ANTXRL: variants seen among roughly 807,000 people sequenced by gnomAD.
ANTXRL encodes anthrax toxin receptor-like.
Under a neutral mutation model 75.4 loss-of-function variants are expected in ANTXRL, and 63 were observed. The ratio of observed to expected loss-of-function variants is 0.84; its 90% CI spans 0.68 to 1.03. ANTXRL has a LOEUF of 1.03. ANTXRL is among the 50% of genes least tolerant of loss of function. The probability of loss-of-function intolerance (pLI) is 0.00; values close to 1 mark genes in which losing one functional copy is unlikely to be tolerated. For missense variants in ANTXRL, 797 were observed against 789.4 expected, an observed-to-expected ratio of 1.01 and a Z score of -0.12; for synonymous variants, 335 against 291.3, an observed-to-expected ratio of 1.15 and a Z score of -1.53.
At position 46,314,764 on chromosome 10, in the gene ANTXRL, TCC is replaced by T. The variant is rs1554964359; in HGVS notation, c.1410+1450_1410+1451del. 3.3e-5 allele frequency among the ~76,000 whole-genome samples: 5 copies of T among 151,872 alleles called. No individual in the cohort carries two copies. In the East Asian group the frequency reaches 1.0e-3, roughly 31 times the overall value. On this transcript the variant is annotated intron_variant, in intron 16 of 16. Transcript: ENST00000620264. ...GCGATTCTTGGAAAAGGAGAGACAATCCCTGTTTTACTAATGGCAAAATAGAG... is the reference window on the plus strand; with the variant it reads ...GCGATTCTTGGAAAAGGAGAGACAATCTGTTTTACTAATGGCAAAATAGAG...
intron 1 of ANTXRL, 139 bp from the exon 2 acceptor site, chr10:46,291,919 T>TG (rs1554956576): frequency 4.1e-6 from 3 of 736,522 alleles, no homozygotes; most frequent in East Asian, 5.5e-5. Context: ...CAGTGGCCAC[T>TG]GGGGGTGTAC....
chr10:46,307,738 G>A (rs529826236), intron 12 of ANTXRL, among the ~76,000 whole-genome samples: 27 of 152,204 alleles, frequency 1.8e-4, no homozygotes, highest in African/African-American at 5.3e-4. Flanking sequence ...ACACACTGCC[G>A]TCAGGGTATG....
intron 12 of ANTXRL, chr10:46,308,405 C>T (rs1478845944): frequency 1.5e-5 from 4 of 274,484 alleles, no homozygotes; most frequent in African/African-American, 2.6e-5. Context: ...TGCCCCTTCC[C>T]TCCCCTCCCC....
Position 46,306,688 on chromosome 10 carries a change from A to G in ANTXRL, c.896-115A>G, listed in dbSNP as rs116500043. 443 of 848,798 alleles carry G rather than the reference A, an allele frequency of 5.2e-4. 1 individual carries two copies. The African/African-American group carries it at 6.3e-3, about 12-fold the overall frequency. The allele number at this position is 848,798 out of a possible 1,614,324, so 52.6% of individuals were successfully genotyped here. ...AGGGGTCTGTGCAATAGGAAGGCAG[A>G]GCCCACATGCCGGTCCTGGGCCACA... On this transcript the variant is annotated intron_variant, in intron 10 of 16. Transcript: ENST00000620264.
chr10:46,308,548 C>A, intron 12 of ANTXRL: 1 of 431,386 alleles, frequency 2.3e-6, no homozygotes, highest in South Asian at 1.7e-5. Flanking sequence ...TTGCGAAGAA[C>A]ACCCAGAGAA....
At chr10:46,308,912 G>A (rs1282479516) in intron 12 of ANTXRL, among the ~76,000 whole-genome samples, 1 of 152,158 alleles carries the variant, frequency 6.6e-6, no homozygotes. Flanking sequence ...TTCTTGGCAG[G>A]GCTCTGGGGC....
At chr10:46,289,427 C>T (rs868936118) in intron 1 of ANTXRL, among the ~76,000 whole-genome samples, 2 of 152,150 alleles carry the variant, frequency 1.3e-5, no homozygotes, top group South Asian at 2.1e-4. Context: ...TTCATCATTG[C>T]GTATTGAAAC....
chr10:46,302,678 C>A, intron 9 of ANTXRL, 44 bp from the exon 10 acceptor site: 1 of 1,388,740 alleles, frequency 7.2e-7, no homozygotes, highest in Non-Finnish European at 9.9e-7. Flanking sequence ...GGGAGGCAGC[C>A]CCCTACTCTT....
chr10:46,329,457 G>C (rs1839381521), intron 16 of ANTXRL, 142 bp from the exon 17 acceptor site: 1 of 1,092,724 alleles, frequency 9.2e-7, no homozygotes, highest in African/African-American at 1.6e-5. Flanking sequence ...AGCACCAAGG[G>C]GAGAGAGGAG....
intron 16 of ANTXRL, among the ~76,000 whole-genome samples, chr10:46,326,447 G>C (rs1384657877): frequency 2.6e-5 from 4 of 152,146 alleles, no homozygotes; most frequent in African/African-American, 9.7e-5. Context: ...TCTGGGAGTG[G>C]CATTATCCTT....
chr10:46,314,515 G>T (rs1183990047), intron 16 of ANTXRL, among the ~76,000 whole-genome samples: 1 of 152,032 alleles, frequency 6.6e-6, no homozygotes, highest in Non-Finnish European at 1.5e-5. Flanking sequence ...CAAGAGGTGG[G>T]AAGGTTGGCG....
At chr10:46,327,553 A>AGGGCAG (rs1554966752) in intron 16 of ANTXRL, among the ~76,000 whole-genome samples, 1 of 152,058 alleles carries the variant, frequency 6.6e-6, no homozygotes, top group African/African-American at 2.4e-5. Context: ...GGGGACTAGC[A>AGGGCAG]GGGCAGGGGC....
chr10:46,309,554 C>T (rs1377394478), intron 13 of ANTXRL, among the ~76,000 whole-genome samples: 2 of 152,208 alleles, frequency 1.3e-5, no homozygotes, highest in African/African-American at 4.8e-5. Flanking sequence ...GGACAAGGGC[C>T]AGGAGGTGGC....
chr10:46,297,378 C>A (rs1837442811), intron 6 of ANTXRL, 28 bp from the exon 7 acceptor site: 1 of 1,535,994 alleles, frequency 6.5e-7, no homozygotes. Flanking sequence ...ATTTTGATGA[C>A]CAATATGCAA....
chr10:46,330,078 C>T lies in ANTXRL; in HGVS notation c.1890C>T (p.Asn630=), dbSNP rs782335429. Residue 630 remains asparagine (N), a synonymous_variant, in exon 17 of 17, where the codon AAC becomes AAT. Transcript: ENST00000620264. The part of the protein sequence containing the change: ...PPLSLPPSEP[N]F ...TGTCACTCCCCCCCTCAGAGCCCAA[C>T]TTCTAAGGCACCAAACACCCAAGAT... 2 of 1,496,784 alleles carry T rather than the reference C, an allele frequency of 1.3e-6. No individual in the cohort carries two copies. The highest frequency in any genetic ancestry group is 1.4e-5 in the African/African-American group (1 of 72,112). The allele number at this position is 1,496,784 out of a possible 1,614,324, so 92.7% of individuals were successfully genotyped here.
intron 1 of ANTXRL, among the ~76,000 whole-genome samples, chr10:46,289,517 T>A (rs1293216497): frequency 1.3e-5 from 2 of 152,100 alleles, no homozygotes; most frequent in Non-Finnish European, 2.9e-5. Flanking sequence ...CGCTTGAGTC[T>A]AGGAGTTCAA....
intron 3 of ANTXRL, among the ~76,000 whole-genome samples, chr10:46,294,836 A>AGGGCAG (rs34188277): frequency 5.0e-4 from 76 of 151,750 alleles, no homozygotes; most frequent in African/African-American, 1.8e-3. Context: ...TGGGCTGGGC[A>AGGGCAG]GGCAGGGCTC....
chr10:46,312,282 C>T (rs1838473164), intron 15 of ANTXRL, among the ~76,000 whole-genome samples: 1 of 150,538 alleles, frequency 6.6e-6, no homozygotes, highest in Non-Finnish European at 1.5e-5. Flanking sequence ...CCTCACAAGA[C>T]ACCTGTGCAG....
chr10:46,289,912 C>T (rs1302868327), intron 1 of ANTXRL, among the ~76,000 whole-genome samples: 1 of 152,070 alleles, frequency 6.6e-6, no homozygotes, highest in Non-Finnish European at 1.5e-5. Flanking sequence ...AATATTTGGC[C>T]TTTTCTGTCT....
Sources: gnomAD v4.1 joint callset for allele counts (sites outside exome capture counted in the v4.1 genomes callset) on GRCh38, gnomAD v4.1.1 for gene constraint, MANE v1.5 for transcripts, NCBI Gene and HGNC (gene_info 2026-07-23, HGNC 2026-07-21) for gene names.